Variants in STK32C observed in about 807,000 individuals in gnomAD.
The protein encoded by STK32C is serine/threonine-protein kinase 32C.
In STK32C, 31 loss-of-function variants were observed where a neutral mutation model predicts 56.5. The observed-to-expected ratio is 0.55, with a 90% confidence interval of 0.41 to 0.74. The LOEUF is 0.74. Among genes scored for constraint, STK32C ranks in the 30% least tolerant of loss-of-function variants. The pLI is 0.00. For synonymous variants in STK32C, 309 were observed against 289.4 expected (o/e 1.07, Z -0.69); for missense variants, 544 against 676.9 (o/e 0.80, Z 2.18).
intron 1 of STK32C, among the ~76,000 whole-genome samples, chr10:132,296,428 A>G (rs1292264228): frequency 1.3e-5 from 2 of 152,116 alleles, no homozygotes; most frequent in African/African-American, 2.4e-5. Flanking sequence ...TTAATGCCAG[A>G]CGGTGACGTA....
chr10:132,235,113 A>G (rs1244485542), intron 2 of STK32C, among the ~76,000 whole-genome samples: 1 of 152,098 alleles, frequency 6.6e-6, no homozygotes, highest in Non-Finnish European at 1.5e-5. Flanking sequence ...GAGCTGTGTG[A>G]CTGGTATGAA....
At chr10:132,216,153 A>G (rs539171560) in intron 10 of STK32C, among the ~76,000 whole-genome samples, 5 of 152,350 alleles carry the variant, frequency 3.3e-5, no homozygotes, top group Admixed American at 2.6e-4. Flanking sequence ...AAAATTTGCA[A>G]CCTGACAATG....
At chr10:132,253,128 G>A (rs972481106) in intron 1 of STK32C, among the ~76,000 whole-genome samples, 24 of 152,252 alleles carry the variant, frequency 1.6e-4, no homozygotes, top group Non-Finnish European at 3.1e-4. Flanking sequence ...TTCTCAGAGA[G>A]TTTTGCCACC....
At chr10:132,323,874 C>A (rs1261251819), downstream of STK32C, among the ~76,000 whole-genome samples, 2 of 152,008 alleles carry the variant, frequency 1.3e-5, no homozygotes, top group Non-Finnish European at 1.5e-5. The surrounding 1 kb of genome is among the most constrained non-coding windows in gnomAD (Gnocchi z 4.8). Flanking sequence ...TGCATCATGA[C>A]ACAGAAGCGA....
At chr10:132,318,327 CT>C (rs1278964275) in intron 1 of STK32C, among the ~76,000 whole-genome samples, 16 of 150,908 alleles carry the variant, frequency 1.1e-4, no homozygotes, top group South Asian at 2.1e-4. Flanking sequence ...AGGTAAAAGA[CT>C]TGGAAAACCA....
At chr10:132,224,831 G>A (rs1306218749) in intron 7 of STK32C, among the ~76,000 whole-genome samples, 1 of 152,152 alleles carries the variant, frequency 6.6e-6, no homozygotes, top group East Asian at 1.9e-4. Context: ...CCTGTGCAGG[G>A]CTGAGGGGTA....
chr10:132,282,461 GCGCCCACC>G (rs2065244199), intron 1 of STK32C, among the ~76,000 whole-genome samples: 1 of 125,702 alleles, frequency 8.0e-6, no homozygotes, highest in Non-Finnish European at 1.8e-5. Flanking sequence ...ACCTGTGCCT[GCGCCCACC>G]TGTACCTGCG....
intron 2 of STK32C, among the ~76,000 whole-genome samples, chr10:132,233,776 C>T (rs762856746): frequency 6.6e-6 from 1 of 152,240 alleles, no homozygotes; most frequent in Non-Finnish European, 1.5e-5. Flanking sequence ...AGCTACCTCC[C>T]AGGCCCACAC....
chr10:132,256,676 C>T (rs2064135502), intron 1 of STK32C, among the ~76,000 whole-genome samples: 1 of 152,246 alleles, frequency 6.6e-6, no homozygotes, highest in East Asian at 1.9e-4. Context: ...TCCTACTGTC[C>T]AAGGCCCGGC....
At position 132,236,019 on chromosome 10, in the gene STK32C, G is replaced by C. The variant is rs567456552; in HGVS notation, c.319-7891C>G. Among the ~76,000 whole-genome samples, 20 of 152,322 alleles carry C rather than the reference G, an allele frequency of 1.3e-4. 1 individual carries two copies. The highest frequency in any genetic ancestry group is 3.4e-3 in the Middle Eastern group (1 of 294). The stretch of plus-strand genomic sequence containing the variant: ...TTGTGGCTGTAACAGGATTGGTGTC[G>C]CGTCGGTCCCTGATGAGGCCGGACC... On this transcript the variant is annotated intron_variant, in intron 2 of 11. Transcript: ENST00000298630.
At chr10:132,253,687 T>C (rs951560705) in intron 1 of STK32C, among the ~76,000 whole-genome samples, 4 of 150,900 alleles carry the variant, frequency 2.7e-5, no homozygotes, top group Non-Finnish European at 4.4e-5. Flanking sequence ...CCTGCGGAGC[T>C]GAGGGAGCTG....
At chr10:132,285,554 C>T (rs1242772416) in intron 1 of STK32C, among the ~76,000 whole-genome samples, 2 of 152,122 alleles carry the variant, frequency 1.3e-5, no homozygotes, top group Non-Finnish European at 2.9e-5. Flanking sequence ...TAGGTGACTA[C>T]ATCAAAGCAC....
At chr10:132,283,934 C>T (rs1226075184) in intron 1 of STK32C, among the ~76,000 whole-genome samples, 1 of 152,186 alleles carries the variant, frequency 6.6e-6, no homozygotes, top group African/African-American at 2.4e-5. Context: ...AAGACGGGTG[C>T]AGCCCCCACC....
At chr10:132,234,616 T>G (rs1431351145) in intron 2 of STK32C, among the ~76,000 whole-genome samples, 1 of 152,216 alleles carries the variant, frequency 6.6e-6, no homozygotes, top group Non-Finnish European at 1.5e-5. Flanking sequence ...TTCCGGCCCC[T>G]TCATGCCAGG....
intron 1 of STK32C, among the ~76,000 whole-genome samples, chr10:132,256,683 C>T (rs556649505): frequency 2.6e-5 from 4 of 152,270 alleles, no homozygotes; most frequent in African/African-American, 2.4e-5. Flanking sequence ...GTCCAAGGCC[C>T]GGCCCCACCC....
At chr10:132,253,058 C>T (rs1162925732) in intron 1 of STK32C, among the ~76,000 whole-genome samples, 6 of 152,218 alleles carry the variant, frequency 3.9e-5, no homozygotes, top group African/African-American at 7.2e-5. Flanking sequence ...GACTTGTCAG[C>T]GCTAAGCCCA....
intron 1 of STK32C, chr10:132,330,283 C>T (rs2138510567): frequency 5.1e-6 from 3 of 591,276 alleles, no homozygotes; most frequent in Non-Finnish European, 6.2e-6. Flanking sequence ...AGAGGGAATA[C>T]GCTCAAATGG....
chr10:132,331,595 C>G, exon 1 of STK32C: 1 of 1,612,908 alleles, frequency 6.2e-7, no homozygotes, highest in Non-Finnish European at 8.5e-7. Context: ...AGGAGAGACG[C>G]GGGGAGTGAG....
chr10:132,213,248 G>A (rs1421379991), intron 10 of STK32C, among the ~76,000 whole-genome samples: 5 of 152,374 alleles, frequency 3.3e-5, no homozygotes, highest in African/African-American at 4.8e-5. Context: ...CACCTAAGGG[G>A]AGGGGAAAAG....
Sources: allele counts gnomAD v4.1 joint callset (sites outside exome capture counted in the v4.1 genomes callset), GRCh38; gene constraint gnomAD v4.1.1; non-coding constraint Gnocchi (gnomAD v3.1); transcripts MANE v1.5; gene names NCBI Gene and HGNC (gene_info 2026-07-23, HGNC 2026-07-21).